The following DDX60 variants were observed in gnomAD, a reference collection of about 807,000 sequenced individuals.
The protein encoded by DDX60 is DExD/H-box helicase 60.
DDX60 carries 165 observed loss-of-function variants against 212.8 expected under a neutral mutation model. The ratio of observed to expected loss-of-function variants is 0.78; its 90% CI spans 0.68 to 0.88. The LOEUF (loss-of-function observed/expected upper bound fraction) is 0.88. Among genes scored for constraint, DDX60 ranks in the 40% least tolerant of loss-of-function variants. The probability of loss-of-function intolerance (pLI) is 0.00; values close to 1 mark genes in which losing one functional copy is unlikely to be tolerated. For synonymous variants in DDX60, 703 were observed against 685.3 expected (o/e 1.03, Z -0.40); for missense variants, 1,905 against 2,003.9 (o/e 0.95, Z 0.94).
At position 168,267,650 on chromosome 4, in the gene DDX60, A is replaced by G; in HGVS notation, c.2971T>C (p.Cys991Arg). 1 of 1,604,792 alleles carries G rather than the reference A, an allele frequency of 6.2e-7. No homozygotes were observed. Among genetic ancestry groups the G allele is most frequent in the Non-Finnish European group, 8.5e-7 (1 of 1,175,498 alleles). ...TGAATGTCACCATGTTTTATTGAAC[A>G]TACATGCTTCTCTAGATCATTATAC... ...ERYNDLEKHVCSIKHGDIHFD... is the reference protein window; with the variant it reads ...ERYNDLEKHVRSIKHGDIHFD... Residue 991 changes from cysteine (C) to arginine (R), a missense_variant, in exon 22 of 38, where the codon TGT becomes CGT. Coordinates refer to ENST00000393743, the MANE Select transcript of DDX60 (RefSeq NM_017631.6).
rs543671805 is a variant in DDX60, at chr4:168,316,456, T to A, written c.-107+2166A>T. Among the ~76,000 whole-genome samples the A allele has an allele frequency of 3.3e-5, 5 of 152,096 alleles. No homozygotes were observed. In the East Asian group the frequency reaches 9.7e-4, roughly 29 times the overall value. On this transcript the variant is annotated intron_variant, in intron 1 of 37. Coordinates refer to ENST00000393743, the MANE Select transcript of DDX60 (RefSeq NM_017631.6). ...CACAAAGGGATGAATGAAAGAAAAA[T>A]AAATATGAATGCTAAATTCTTCATC...
chr4:168,239,414 AGGTAGG>A (rs1733759429), intron 30 of DDX60, among the ~76,000 whole-genome samples: 1 of 151,846 alleles, frequency 6.6e-6, no homozygotes, highest in Admixed American at 6.6e-5. Flanking sequence ...AGATAGATAG[AGGTAGG>A]TAGATGGATA....
chr4:168,246,317 A>G lies in DDX60; in HGVS notation c.4164+101T>C, dbSNP rs1734020229. ...TTACAAAACATTAAAAGACTGATGAAACTCAAGGGTGATTGCTACAGACTT... is the reference window on the plus strand; with the variant it reads ...TTACAAAACATTAAAAGACTGATGAGACTCAAGGGTGATTGCTACAGACTT... On this transcript the variant is annotated intron_variant, in intron 30 of 37. Transcript: ENST00000393743. 15 of 1,345,312 alleles carry G rather than the reference A, an allele frequency of 1.1e-5. 1 individual carries two copies. The highest frequency in any genetic ancestry group is 2.6e-4 in the Middle Eastern group (1 of 3,830). 83.3% of individuals were successfully genotyped at this position (1,345,312 alleles called of 1,614,324 possible). A position where few individuals can be genotyped will look rare whatever the true frequency, so the allele number is the denominator to read the frequency against.
chr4:168,235,174 T>A (rs1435121887), intron 33 of DDX60, among the ~76,000 whole-genome samples: 2 of 151,974 alleles, frequency 1.3e-5, no homozygotes, highest in Non-Finnish European at 2.9e-5. Context: ...TATTATCTAA[T>A]TTTTTCTTTT....
At chr4:168,244,607 C>T (rs1237171059) in intron 30 of DDX60, among the ~76,000 whole-genome samples, 1 of 152,096 alleles carries the variant, frequency 6.6e-6, no homozygotes, top group Non-Finnish European at 1.5e-5. Context: ...TACCTGTAGT[C>T]CCAGCTACTC....
chr4:168,291,877 C>T lies in DDX60; in HGVS notation c.912G>A (p.Glu304=). The T allele has an allele frequency of 6.2e-7, 1 of 1,612,302 alleles. No homozygotes were observed. Among genetic ancestry groups the T allele is most frequent in the Non-Finnish European group, 8.5e-7 (1 of 1,179,422 alleles). Residue 304 remains glutamate, a synonymous_variant, in exon 8 of 38, where the codon GAG becomes GAA. Coordinates refer to ENST00000393743, the MANE Select transcript of DDX60 (RefSeq NM_017631.6). Reference sequence around the variant, plus strand: ...AATGCAGTTTACACAAATCTTCCATCTCCTGCAGGGTTAAGCAATTACTGT... The same window carrying T: ...AATGCAGTTTACACAAATCTTCCATTTCCTGCAGGGTTAAGCAATTACTGT... The part of the protein sequence containing the change: ...QVNSNCLTLQ[E]MEDLCKLHCL...
intron 37 of DDX60, among the ~76,000 whole-genome samples, chr4:168,220,386 C>T (rs17053804): frequency 0.051 from 7,816 of 152,172 alleles, 231 homozygotes; most frequent in African/African-American, 0.062. Context: ...TTGAATATTG[C>T]TGCCTGTCAG....
chr4:168,291,795 C>T lies in DDX60; in HGVS notation c.994G>A (p.Val332Ile), dbSNP rs538117119. 6.2e-7 allele frequency: 1 copy of T among 1,613,552 alleles called. No individual in the cohort carries two copies. Among genetic ancestry groups the T allele is most frequent in the South Asian group, 1.1e-5 (1 of 90,980 alleles). ...LPLSQRACAR[V>I]ITSHWAEDMK... ...TCCTCAGCCCAATGGGAAGTGATGA[C>T]TCTAGCACAAGCTCTTTGAGAAAGA... Residue 332 changes from valine to isoleucine, a missense_variant, in exon 8 of 38, where the codon GTC becomes ATC. By Grantham distance (29) the Val-to-Ile change is conservative. Transcript: ENST00000393743.
chr4:168,231,400 C>CA (rs58009260), intron 33 of DDX60, among the ~76,000 whole-genome samples: 149 of 136,418 alleles, frequency 1.1e-3, no homozygotes, highest in East Asian at 2.1e-3. Context: ...AATGACATAA[C>CA]AAAAAAAAAA....
chr4:168,280,101 G>GA (rs1484182959), intron 14 of DDX60, among the ~76,000 whole-genome samples: 1 of 152,120 alleles, frequency 6.6e-6, no homozygotes, highest in Non-Finnish European at 1.5e-5. Context: ...GTATGCATAG[G>GA]AAAAAACAAT....
intron 24 of DDX60, among the ~76,000 whole-genome samples, 190 bp downstream of exon 24, chr4:168,261,810 T>C (rs1421436159): frequency 6.6e-6 from 1 of 152,196 alleles, no homozygotes; most frequent in African/African-American, 2.4e-5. Context: ...CAGAAGACAC[T>C]GAGGATAAGA....
intron 13 of DDX60, among the ~76,000 whole-genome samples, chr4:168,282,264 G>A (rs148004670): frequency 2.0e-5 from 3 of 152,240 alleles, no homozygotes; most frequent in Non-Finnish European, 4.4e-5. Flanking sequence ...GAACCTTTTA[G>A]AGTAATTTGT....
At chr4:168,251,299 C>G (rs1734211646) in intron 27 of DDX60, among the ~76,000 whole-genome samples, 193 bp from the exon 28 acceptor site, 1 of 152,212 alleles carries the variant, frequency 6.6e-6, no homozygotes, top group South Asian at 2.1e-4. Context: ...CTTCTTTGGA[C>G]AGACCATCTT....
chr4:168,309,022 TGAGAG>T (rs1737016445), intron 3 of DDX60, among the ~76,000 whole-genome samples: 1 of 152,148 alleles, frequency 6.6e-6, no homozygotes, highest in African/African-American at 2.4e-5. Context: ...CTTTCAGAGT[TGAGAG>T]AAGTGTAAAC....
chr4:168,286,119 AGAAGGAAGGAAG>A (rs200798862), intron 10 of DDX60, among the ~76,000 whole-genome samples: 1 of 147,734 alleles, frequency 6.8e-6, no homozygotes, highest in Non-Finnish European at 1.5e-5. Flanking sequence ...AAGGAAGGAA[AGAAGGAAGGAAG>A]GAAGGAAGAA....
intron 30 of DDX60, among the ~76,000 whole-genome samples, chr4:168,243,522 T>A (rs549174517): frequency 1.3e-5 from 2 of 152,226 alleles, no homozygotes; most frequent in African/African-American, 4.8e-5. Flanking sequence ...TCACCACTCA[T>A]TAGAGAAATT....
rs963163842 is a variant in DDX60, at chr4:168,274,621, C to T, written c.2305-538G>A. On this transcript the variant is annotated intron_variant, in intron 16 of 37. Transcript: ENST00000393743. ...CGGTCCACTCCCGGCCACACCTCAG[C>T]GTGAATTGGGCATCAGAAGAGTTAC... is the stretch of plus-strand genomic sequence containing the variant. Among the ~76,000 whole-genome samples, 8 of 152,084 alleles carry T rather than the reference C, an allele frequency of 5.3e-5. 1 individual carries two copies. The highest frequency in any genetic ancestry group is 3.9e-4 in the Admixed American group (6 of 15,268).
chr4:168,323,752 T>A (rs536726383), upstream of DDX60, among the ~76,000 whole-genome samples: 3 of 152,240 alleles, frequency 2.0e-5, no homozygotes, highest in African/African-American at 7.2e-5. Flanking sequence ...AGGAAGGAAC[T>A]CATAGGCCAT....
chr4:168,228,745 T>C lies in DDX60; in HGVS notation c.4534-3069A>G, dbSNP rs72971454. ...ATGTAATCACACATAACCCTTTCTA[T>C]TGTGATTCATTCCTTCCTGCATTTT... On this transcript the variant is annotated intron_variant, in intron 33 of 37. Coordinates refer to ENST00000393743, the MANE Select transcript of DDX60 (RefSeq NM_017631.6). Among the ~76,000 whole-genome samples, 1,340 of 152,236 alleles carry C rather than the reference T, an allele frequency of 8.8e-3. 18 individuals carry two copies. Among genetic ancestry groups the C allele is most frequent in the African/African-American group, 0.03 (1,248 of 41,562 alleles).
Sources: allele counts gnomAD v4.1 joint callset (sites outside exome capture counted in the v4.1 genomes callset), GRCh38; gene constraint gnomAD v4.1.1; transcripts MANE v1.5; gene names NCBI Gene and HGNC (gene_info 2026-07-23, HGNC 2026-07-21).